Variants in MBOAT2 observed in about 807,000 individuals in gnomAD.
The protein encoded by MBOAT2 is membrane-bound glycerophospholipid O-acyltransferase 2.
A neutral mutation model predicts 63.4 loss-of-function variants in MBOAT2; 28 were observed. The ratio of observed to expected loss-of-function variants is 0.44; its 90% confidence interval spans 0.33 to 0.61. MBOAT2 has a LOEUF of 0.61. MBOAT2 is among the 20% of genes least tolerant of loss of function. The probability of loss-of-function intolerance (pLI) is 0.03; values close to 1 mark genes in which losing one functional copy is unlikely to be tolerated. For synonymous variants in MBOAT2, 211 were observed against 215.6 expected (o/e 0.98, Z 0.19); for missense variants, 470 against 605.8 (o/e 0.78, Z 2.35).
intron 1 of MBOAT2, among the ~76,000 whole-genome samples, chr2:8,968,791 C>G (rs1418513112): frequency 1.3e-5 from 2 of 151,812 alleles, no homozygotes; most frequent in Non-Finnish European, 2.9e-5. Flanking sequence ...GATTGAAGAT[C>G]AAATGAATGA....
intron 1 of MBOAT2, among the ~76,000 whole-genome samples, chr2:8,960,188 T>C (rs982092924): frequency 6.6e-6 from 1 of 152,242 alleles, no homozygotes; most frequent in African/African-American, 2.4e-5. Flanking sequence ...TGGAAAAATT[T>C]GTGTTCTTCA....
intron 8 of MBOAT2, 82 bp downstream of exon 8, chr2:8,873,026 G>T: frequency 7.6e-7 from 1 of 1,315,400 alleles, no homozygotes; most frequent in South Asian, 1.5e-5. Context: ...GTATCCTCAA[G>T]AGGGCGCACT....
intron 1 of MBOAT2, among the ~76,000 whole-genome samples, chr2:9,002,842 A>T (rs1672798449): frequency 6.6e-6 from 1 of 152,206 alleles, no homozygotes; most frequent in Non-Finnish European, 1.5e-5. Context: ...GCAAGGAGGT[A>T]AAGTGGCTGC....
At chr2:8,933,229 A>C (rs777718307) in intron 3 of MBOAT2, among the ~76,000 whole-genome samples, 25 of 152,228 alleles carry the variant, frequency 1.6e-4, no homozygotes, top group Non-Finnish European at 3.4e-4. Flanking sequence ...CTTGTACTTT[A>C]TCATAAAGAG....
At chr2:8,873,810 A>G (rs1443040097) in intron 7 of MBOAT2, among the ~76,000 whole-genome samples, 5 of 152,244 alleles carry the variant, frequency 3.3e-5, no homozygotes, top group African/African-American at 7.2e-5. Context: ...AAACCAAAAG[A>G]GCTATACACC....
intron 4 of MBOAT2, among the ~76,000 whole-genome samples, chr2:8,905,546 A>G (rs1314680806): frequency 6.6e-6 from 1 of 152,176 alleles, no homozygotes; most frequent in Non-Finnish European, 1.5e-5. Context: ...TCAGCAAACT[A>G]TCAGAAGGAT....
intron 4 of MBOAT2, among the ~76,000 whole-genome samples, chr2:8,903,205 T>A (rs748747727): frequency 6.6e-6 from 1 of 152,154 alleles, no homozygotes; most frequent in Non-Finnish European, 1.5e-5. Flanking sequence ...AGAAAAGTTC[T>A]CCAAGTCCCC....
In MBOAT2 at chr2:9,003,316, C is replaced by G. The variant is rs1672845002; in HGVS notation, c.75+224G>C. On this transcript the variant is annotated intron_variant, in intron 1 of 12. Coordinates refer to ENST00000305997, the MANE Select transcript of MBOAT2 (RefSeq NM_138799.4). The surrounding 1 kb of genome is among the most constrained non-coding windows in gnomAD (Gnocchi z 5.4). ...GCCGGCAACAACGCCCGGCCCACCT[C>G]CCGCTCGGCCCGGGGATGGCGGGCT... 6.6e-6 allele frequency among the ~76,000 whole-genome samples: 1 copy of G among 152,148 alleles called. No homozygotes were observed. Among genetic ancestry groups the G allele is most frequent in the Non-Finnish European group, 1.5e-5 (1 of 67,996 alleles).
intron 5 of MBOAT2, among the ~76,000 whole-genome samples, chr2:8,883,687 T>G (rs1008793797): frequency 1.3e-5 from 2 of 152,186 alleles, no homozygotes; most frequent in African/African-American, 4.8e-5. Flanking sequence ...TAAACCAGTA[T>G]AGCAAACACT....
At chr2:8,865,219 C>G (rs1172684023) in intron 9 of MBOAT2, among the ~76,000 whole-genome samples, 1 of 152,132 alleles carries the variant, frequency 6.6e-6, no homozygotes, top group African/African-American at 2.4e-5. Flanking sequence ...AAAATAAAGT[C>G]AAGAAGAGGT....
chr2:8,923,606 G>A (rs1666734757), intron 3 of MBOAT2, among the ~76,000 whole-genome samples: 1 of 152,034 alleles, frequency 6.6e-6, no homozygotes, highest in African/African-American at 2.4e-5. Flanking sequence ...TACAATACCT[G>A]CTGTTCTCAG....
chr2:8,919,700 G>C (rs542256851), intron 3 of MBOAT2, among the ~76,000 whole-genome samples: 1 of 152,202 alleles, frequency 6.6e-6, no homozygotes, highest in South Asian at 2.1e-4. Context: ...CTTTTGAATA[G>C]TAAAAGTTTT....
chr2:8,884,083 A>C (rs892138718), intron 5 of MBOAT2, among the ~76,000 whole-genome samples: 1 of 150,618 alleles, frequency 6.6e-6, no homozygotes, highest in Non-Finnish European at 1.5e-5. Flanking sequence ...AAAGAAAAAA[A>C]AAATTAGTTG....
intron 2 of MBOAT2, among the ~76,000 whole-genome samples, chr2:8,956,922 T>C (rs537814823): frequency 1.1e-4 from 16 of 152,312 alleles, no homozygotes; most frequent in Non-Finnish European, 2.1e-4. Flanking sequence ...ATATTGTTTA[T>C]ATTTTTATCT....
At chr2:8,910,823 C>T (rs915929949) in intron 3 of MBOAT2, among the ~76,000 whole-genome samples, 1 of 152,130 alleles carries the variant, frequency 6.6e-6, no homozygotes, top group African/African-American at 2.4e-5. Flanking sequence ...AAAGGAGAGA[C>T]AGTTCAAAAT....
intron 3 of MBOAT2, 79 bp from the exon 4 acceptor site, chr2:8,908,795 C>A: frequency 3.9e-6 from 3 of 777,682 alleles, no homozygotes; most frequent in Admixed American, 2.4e-5. Context: ...AATTTATTAG[C>A]TAAATGATAT....
At chr2:8,952,694 G>A (rs1432451238) in intron 2 of MBOAT2, among the ~76,000 whole-genome samples, 1 of 149,204 alleles carries the variant, frequency 6.7e-6, no homozygotes, top group Non-Finnish European at 1.5e-5. Flanking sequence ...AGAATTGTAT[G>A]TAATTTTATG....
chr2:8,973,552 TAAA>T (rs540916253), intron 1 of MBOAT2, among the ~76,000 whole-genome samples: 5 of 130,254 alleles, frequency 3.8e-5, no homozygotes, highest in Non-Finnish European at 6.8e-5. Context: ...TAACTCAAGC[TAAA>T]AAAAAAAAAA....
Position 8,929,034 on chromosome 2 carries a change from G to A in MBOAT2, c.299+14153C>T, listed in dbSNP as rs547498934. Among the ~76,000 whole-genome samples the A allele has an allele frequency of 3.4e-4, 52 of 152,160 alleles. 2 individuals carry two copies. The East Asian group carries it at 5.2e-3, about 15-fold the overall frequency. ...AGATAAGCCCGCAAACTGAAAGAGC[G>A]GTAAATGGAAAAGGTAGTGGGGAGG... is the stretch of plus-strand genomic sequence containing the variant. On this transcript the variant is annotated intron_variant, in intron 3 of 12. Transcript: ENST00000305997.
Sources: allele counts gnomAD v4.1 joint callset (sites outside exome capture counted in the v4.1 genomes callset), GRCh38; gene constraint gnomAD v4.1.1; non-coding constraint Gnocchi (gnomAD v3.1); transcripts MANE v1.5; gene names NCBI Gene and HGNC (gene_info 2026-07-23, HGNC 2026-07-21).